Variants in ATF2 observed in about 807,000 individuals in gnomAD.
ATF2 encodes the protein cyclic AMP-dependent transcription factor ATF-2.
A neutral mutation model predicts 60.6 loss-of-function variants in ATF2; 24 were observed. The observed-to-expected ratio is 0.40, with a 90% CI of 0.29 to 0.56. ATF2 has a LOEUF of 0.56. Among genes scored for constraint, ATF2 ranks in the 20% least tolerant of loss-of-function variants. The pLI, the probability that ATF2 is intolerant of heterozygous loss-of-function variation, is 0.54. For synonymous variants in ATF2, 206 were observed against 215.4 expected, an observed-to-expected ratio of 0.96 and a Z score of 0.38; for missense variants, 433 against 607.7, an observed-to-expected ratio of 0.71 and a Z score of 3.02.
chr2:175,113,618 T>A (rs1009725262), intron 9 of ATF2, among the ~76,000 whole-genome samples: 9 of 152,136 alleles, frequency 5.9e-5, no homozygotes, highest in African/African-American at 2.2e-4. Context: ...ACCACAAAAA[T>A]TCAGAGTGTG....
intron 1 of ATF2, among the ~76,000 whole-genome samples, chr2:175,155,380 T>G (rs1011965203): frequency 2.6e-5 from 4 of 152,228 alleles, no homozygotes; most frequent in African/African-American, 9.7e-5. Flanking sequence ...GCTTCTGGCT[T>G]TCCCTGTCTT....
intron 3 of ATF2, among the ~76,000 whole-genome samples, chr2:175,133,648 T>C (rs1559099253): frequency 6.6e-6 from 1 of 152,182 alleles, no homozygotes; most frequent in Non-Finnish European, 1.5e-5. Flanking sequence ...ATTCATAACT[T>C]TAAAAAATGC....
intron 12 of ATF2, among the ~76,000 whole-genome samples, chr2:175,088,479 C>A (rs912354939): frequency 3.9e-5 from 6 of 152,064 alleles, no homozygotes; most frequent in African/African-American, 1.4e-4. Context: ...GTAAATAATT[C>A]TCTAGCTATA....
chr2:175,166,822 T>C (rs1167246033), intron 1 of ATF2, among the ~76,000 whole-genome samples: 1 of 152,228 alleles, frequency 6.6e-6, no homozygotes, highest in Admixed American at 6.5e-5. Flanking sequence ...ATATCTTAAA[T>C]GCATGCATTG....
intron 4 of ATF2, among the ~76,000 whole-genome samples, chr2:175,125,187 A>T (rs1207583762): frequency 6.6e-6 from 1 of 152,072 alleles, no homozygotes; most frequent in Admixed American, 6.6e-5. Flanking sequence ...AGAAACTTAA[A>T]AAGACTGTGT....
In ATF2 at chr2:175,130,327, C is replaced by T. The variant is rs80176771; in HGVS notation, c.33-120G>A. On this transcript the variant is annotated intron_variant, in intron 3 of 13. Transcript: ENST00000264110. ...TTTTCTATTTTAATACAAAATAAAA[C>T]ACTTTTCTGACATTTTAATTCTATC... 439 of 560,948 alleles carry T rather than the reference C, an allele frequency of 7.8e-4. 4 individuals are homozygous for T. In the East Asian group the frequency reaches 8.7e-3, roughly 11 times the overall value. The allele number at this position is 560,948 out of a possible 1,614,324, so 34.7% of individuals were successfully genotyped here.
chr2:175,123,423 A>T (rs1697104657), intron 4 of ATF2, among the ~76,000 whole-genome samples: 1 of 152,054 alleles, frequency 6.6e-6, no homozygotes, highest in Non-Finnish European at 1.5e-5. Flanking sequence ...GAATGAATGC[A>T]TTTTGGTGCA....
chr2:175,141,660 T>C (rs1376211256), intron 2 of ATF2, among the ~76,000 whole-genome samples: 1 of 151,742 alleles, frequency 6.6e-6, no homozygotes, highest in Non-Finnish European at 1.5e-5. Flanking sequence ...GCCCGGCTAA[T>C]TTTTTTGTAT....
At chr2:175,135,483 C>T (rs10930693) in intron 3 of ATF2, among the ~76,000 whole-genome samples, 39,446 of 152,010 alleles carry the variant, frequency 0.26, 6,075 homozygotes, top group African/African-American at 0.44. Context: ...CATAACCCCA[C>T]CATGAATTGA....
intron 3 of ATF2, among the ~76,000 whole-genome samples, chr2:175,133,402 C>T (rs1697887594): frequency 6.6e-6 from 1 of 152,120 alleles, no homozygotes; most frequent in African/African-American, 2.4e-5. Flanking sequence ...AAAGGATGGT[C>T]TTTTCAATAA....
intron 8 of ATF2, chr2:175,114,455 A>G (rs1275024950): frequency 7.9e-7 from 1 of 1,261,610 alleles, no homozygotes; most frequent in Non-Finnish European, 1.0e-6. Context: ...ATAGCATGAA[A>G]ATAAGACTAT....
rs374253554 is a variant in ATF2, at chr2:175,132,116, T to C, written c.33-1909A>G. 4.6e-5 allele frequency among the ~76,000 whole-genome samples: 7 copies of C among 152,290 alleles called. No individual in the cohort carries two copies. In the East Asian group the frequency reaches 1.2e-3, roughly 25 times the overall value. On this transcript the variant is annotated intron_variant, in intron 3 of 13. Coordinates refer to ENST00000264110, the MANE Select transcript of ATF2 (RefSeq NM_001880.4). ...GTATCCTCTAGAAAATGGCATCAAA[T>C]CCTTGTGAGATAATGAGAATTTTAA... is the stretch of plus-strand genomic sequence containing the variant.
intron 13 of ATF2, among the ~76,000 whole-genome samples, chr2:175,075,380 A>G (rs967106537): frequency 1.3e-5 from 2 of 152,200 alleles, no homozygotes; most frequent in African/African-American, 4.8e-5. Context: ...ATGCATACAT[A>G]GGAGAACAAG....
At chr2:175,078,758 T>A (rs1693553690) in intron 13 of ATF2, among the ~76,000 whole-genome samples, 1 of 152,204 alleles carries the variant, frequency 6.6e-6, no homozygotes, top group African/African-American at 2.4e-5. Context: ...AGAGTGTAAA[T>A]TTTTCAAAGG....
intron 12 of ATF2, among the ~76,000 whole-genome samples, chr2:175,081,362 C>CAGAT (rs1311996325): frequency 1.3e-5 from 2 of 152,162 alleles, no homozygotes; most frequent in Non-Finnish European, 2.9e-5. Flanking sequence ...AATTTGTACA[C>CAGAT]ATCTAAATTT....
intron 1 of ATF2, among the ~76,000 whole-genome samples, chr2:175,157,065 C>T (rs1422364052): frequency 6.6e-6 from 1 of 152,164 alleles, no homozygotes; most frequent in South Asian, 2.1e-4. Context: ...AAAGGGCATA[C>T]AATTTCCAGC....
chr2:175,103,501 G>C (rs910451319), intron 10 of ATF2, among the ~76,000 whole-genome samples: 10 of 151,986 alleles, frequency 6.6e-5, no homozygotes, highest in African/African-American at 9.7e-5. Flanking sequence ...GGCATGCAGA[G>C]GCAGGTCAGA....
intron 1 of ATF2, among the ~76,000 whole-genome samples, chr2:175,164,276 G>A (rs1375655440): frequency 6.6e-6 from 1 of 151,954 alleles, no homozygotes; most frequent in Non-Finnish European, 1.5e-5. Flanking sequence ...GCTCACGCCT[G>A]TAATCCCAAC....
At chr2:175,085,598 A>ACACACAC (rs1553501579) in intron 12 of ATF2, among the ~76,000 whole-genome samples, 3 of 117,478 alleles carry the variant, frequency 2.6e-5, no homozygotes, top group South Asian at 2.6e-4. Context: ...ACACACACAC[A>ACACACAC]AATTCTCTCT....
Sources: gnomAD v4.1 joint callset for allele counts (sites outside exome capture counted in the v4.1 genomes callset) on GRCh38, gnomAD v4.1.1 for gene constraint, MANE v1.5 for transcripts, NCBI Gene and HGNC (gene_info 2026-07-23, HGNC 2026-07-21) for gene names.